The following MAP3K20 variants were observed in gnomAD, a reference collection of about 807,000 sequenced individuals.
The protein encoded by MAP3K20 is HCCS-4.
Under a neutral mutation model 85.7 loss-of-function variants are expected in MAP3K20, and 40 were observed. The observed-to-expected ratio is 0.47, with a 90% CI of 0.36 to 0.61. The LOEUF (loss-of-function observed/expected upper bound fraction) is 0.61, where lower values mean the gene tolerates loss of function less well. Among genes scored for constraint, MAP3K20 ranks in the 20% least tolerant of loss-of-function variants. MAP3K20 has a pLI of 0.00. For missense variants in MAP3K20, 817 were observed against 961.7 expected, an observed-to-expected ratio of 0.85 and a Z score of 1.99; for synonymous variants, 325 against 327.7, an observed-to-expected ratio of 0.99 and a Z score of 0.09.
At chr2:173,124,711 G>C (rs1303877387) in intron 2 of MAP3K20, among the ~76,000 whole-genome samples, 2 of 152,162 alleles carry the variant, frequency 1.3e-5, no homozygotes, top group African/African-American at 4.8e-5. Flanking sequence ...AGCTCAACTG[G>C]ATCTCCTGCA....
chr2:173,080,827 A>G (rs1054291203), intron 1 of MAP3K20, among the ~76,000 whole-genome samples: 4 of 152,152 alleles, frequency 2.6e-5, no homozygotes, highest in Non-Finnish European at 4.4e-5. Flanking sequence ...CTTTAGAACC[A>G]CTTGGAACCA....
At position 173,205,121 on chromosome 2, in the gene MAP3K20, A is replaced by T. The variant is rs1423340298; in HGVS notation, c.744+1251A>T. On this transcript the variant is annotated intron_variant, in intron 9 of 19. Coordinates refer to ENST00000375213, the MANE Select transcript of MAP3K20 (RefSeq NM_016653.3). ...CTGTCTCAAAAAAAAAAAAAAAAAAAATAAATAAATAAAATAAAACATATT... is the reference window on the plus strand; with the variant it reads ...CTGTCTCAAAAAAAAAAAAAAAAAATATAAATAAATAAAATAAAACATATT... 5.0e-3 allele frequency among the ~76,000 whole-genome samples: 722 copies of T among 144,818 alleles called. 4 individuals carry two copies. The highest frequency in any genetic ancestry group is 0.017 in the African/African-American group (632 of 38,110).
At chr2:173,200,537 A>C (rs1021293466) in intron 8 of MAP3K20, among the ~76,000 whole-genome samples, 22 of 152,238 alleles carry the variant, frequency 1.4e-4, no homozygotes, top group African/African-American at 5.1e-4. Context: ...TTATCTAGTC[A>C]TCTATAATAT....
intron 2 of MAP3K20, among the ~76,000 whole-genome samples, chr2:173,129,675 C>G (rs1688551314): frequency 6.6e-6 from 1 of 152,184 alleles, no homozygotes; most frequent in African/African-American, 2.4e-5. Flanking sequence ...TGCATTTGTG[C>G]TTTCATAAGT....
At chr2:173,147,418 A>C (rs1436803486) in intron 2 of MAP3K20, among the ~76,000 whole-genome samples, 1 of 152,194 alleles carries the variant, frequency 6.6e-6, no homozygotes, top group Non-Finnish European at 1.5e-5. Flanking sequence ...CTTACATCTT[A>C]TTAGCCAGGA....
chr2:173,110,212 TATATATATATATATATATATATATATATA>T, intron 2 of MAP3K20, among the ~76,000 whole-genome samples: 5 of 6,974 alleles, frequency 7.2e-4, no homozygotes, highest in Non-Finnish European at 1.4e-3. Flanking sequence ...TATATATATA[TATATATATATATATATATATATATATATA>T]TTTTTTTTTT....
At chr2:173,217,550 A>G (rs774388875) in intron 11 of MAP3K20, among the ~76,000 whole-genome samples, 2 of 152,352 alleles carry the variant, frequency 1.3e-5, no homozygotes, top group Non-Finnish European at 2.9e-5. Flanking sequence ...ATGTATTTTC[A>G]CACCATCTGC....
At chr2:173,264,777 G>A (rs937792540) in intron 19 of MAP3K20, among the ~76,000 whole-genome samples, 1 of 152,082 alleles carries the variant, frequency 6.6e-6, no homozygotes, top group Admixed American at 6.6e-5. Context: ...CTGCTCATGT[G>A]ACGTATGTAA....
In MAP3K20 at chr2:173,140,829, C is replaced by T. The variant is rs184785444; in HGVS notation, c.160-28976C>T. Among the ~76,000 whole-genome samples the T allele has an allele frequency of 4.0e-5, 6 of 151,464 alleles. No individual in the cohort carries two copies. The South Asian group carries it at 6.2e-4, about 16-fold the overall frequency. ...AAAATTATGCGGAACTAAACATATA[C>T]ACACACACACACGAGTGCATATAAA... On this transcript the variant is annotated intron_variant, in intron 2 of 19. Coordinates refer to ENST00000375213, the MANE Select transcript of MAP3K20 (RefSeq NM_016653.3).
chr2:173,245,540 T>C (rs924080255), intron 16 of MAP3K20, among the ~76,000 whole-genome samples: 4 of 152,208 alleles, frequency 2.6e-5, no homozygotes, highest in African/African-American at 4.8e-5. Context: ...ACATCATGAT[T>C]AGACCAAAGG....
intron 4 of MAP3K20, 92 bp from the exon 5 acceptor site, chr2:173,187,466 C>A: frequency 9.7e-7 from 1 of 1,033,116 alleles, no homozygotes; most frequent in Non-Finnish European, 1.4e-6. Flanking sequence ...GAATTAGTTT[C>A]TGCTCTTGAG....
At chr2:173,254,804 G>C (rs1421872818) in intron 16 of MAP3K20, among the ~76,000 whole-genome samples, 1 of 152,146 alleles carries the variant, frequency 6.6e-6, no homozygotes, top group Non-Finnish European at 1.5e-5. Context: ...AGAATATAAG[G>C]AATTCCATTA....
At position 173,223,912 on chromosome 2, in the gene MAP3K20, G is replaced by A. The variant is rs1684319004; in HGVS notation, c.988-5777G>A. The A allele has an allele frequency of 3.0e-6, 3 of 985,478 alleles. No homozygotes were observed. In the African/African-American group the frequency reaches 5.2e-5, roughly 17 times the overall value. 61.0% of individuals were successfully genotyped at this position (985,478 alleles called of 1,614,324 possible). A position where few individuals can be genotyped will look rare whatever the true frequency, so the allele number is the denominator to read the frequency against. ...TCTTTCCAGCATGCCCTGGGGTGCA[G>A]TGGTCAGCCACCTGAAGAGAGAGCC... is the stretch of plus-strand genomic sequence containing the variant. On this transcript the variant is annotated intron_variant, in intron 11 of 19. Coordinates refer to ENST00000375213, the MANE Select transcript of MAP3K20 (RefSeq NM_016653.3).
Position 173,182,765 on chromosome 2 carries a change from TTAATG to T in MAP3K20, c.248-86_248-82del, listed in dbSNP as rs1366072395. ...TTTTTGATGTCTTTTGTTAAATTCT[TTAATG>T]TATTTTCTCAATGAAAATATAAAGT... On this transcript the variant is annotated intron_variant, in intron 3 of 19. Transcript: ENST00000375213. 2.4e-5 allele frequency: 22 copies of T among 927,412 alleles called. 1 individual carries two copies. The highest frequency in any genetic ancestry group is 3.2e-5 in the Non-Finnish European group (21 of 657,066). The allele number at this position is 927,412 out of a possible 1,614,324, so 57.4% of individuals were successfully genotyped here.
chr2:173,249,140 G>C (rs1456937193), intron 16 of MAP3K20, among the ~76,000 whole-genome samples: 2 of 152,178 alleles, frequency 1.3e-5, no homozygotes, highest in African/African-American at 4.8e-5. Flanking sequence ...GTTTGTGACT[G>C]TCTTTAAAAA....
rs1219370351 is a variant in MAP3K20, at chr2:173,116,370, A to G, written c.159+25180A>G. On this transcript the variant is annotated intron_variant, in intron 2 of 19. Transcript: ENST00000375213. ...ACCACAATGTGCAATAGATCTCTTG[A>G]ACTTATTCCTCCTAACCAAAATCTC... is the stretch of plus-strand genomic sequence containing the variant. 2.6e-5 allele frequency among the ~76,000 whole-genome samples: 4 copies of G among 152,168 alleles called. No homozygotes were observed. In the East Asian group the frequency reaches 7.7e-4, roughly 29 times the overall value.
Position 173,266,533 on chromosome 2 carries a change from A to C in MAP3K20, c.2186A>C (p.Asp729Ala), listed in dbSNP as rs763115679. Residue 729 changes from aspartate (D) to alanine (A), a missense_variant, in exon 20 of 20, where the codon GAC becomes GCC. This residue lies in a region of MAP3K20 where 454 missense variants were observed against 476.9 expected (regional missense o/e 0.95). Coordinates refer to ENST00000375213, the MANE Select transcript of MAP3K20 (RefSeq NM_016653.3). ...GCACTCAATCCTCACCAGTCGCCTG[A>C]CTTCAAGAGAAGCCCCAGGGACCTC... ...QSALNPHQSP[D>A]FKRSPRDLHQ... 6.2e-7 allele frequency: 1 copy of C among 1,613,950 alleles called. No individual in the cohort carries two copies. Among genetic ancestry groups the C allele is most frequent in the Non-Finnish European group, 8.5e-7 (1 of 1,179,944 alleles).
At chr2:173,133,430 C>G (rs1300173026) in intron 2 of MAP3K20, among the ~76,000 whole-genome samples, 1 of 152,110 alleles carries the variant, frequency 6.6e-6, no homozygotes. Context: ...GAGTGAGAGT[C>G]ATTCAGGGAC....
intron 2 of MAP3K20, among the ~76,000 whole-genome samples, chr2:173,118,547 A>T (rs555032312): frequency 1.3e-5 from 2 of 152,280 alleles, no homozygotes; most frequent in Admixed American, 1.3e-4. Flanking sequence ...CTGTGTGTAG[A>T]TACACAAGCA....
Sources: allele counts gnomAD v4.1 joint callset (sites outside exome capture counted in the v4.1 genomes callset), GRCh38; gene constraint gnomAD v4.1.1; regional missense constraint gnomAD v4.1.1; transcripts MANE v1.5; gene names NCBI Gene and HGNC (gene_info 2026-07-23, HGNC 2026-07-21).